The following GALNT13 variants were observed in gnomAD, a reference collection of about 807,000 sequenced individuals.
GALNT13 encodes the protein UDP-GalNAc:polypeptide N-acetylgalactosaminyltransferase 13.
In GALNT13, 28 loss-of-function variants were observed where a neutral mutation model predicts 64.2. That is an observed-to-expected ratio of 0.44 (90% CI 0.32 to 0.60). The LOEUF is 0.60. GALNT13 is among the 20% of genes least tolerant of loss of function. The pLI is 0.05. For missense variants in GALNT13, 577 were observed against 669.8 expected (o/e 0.86, Z 1.53); for synonymous variants, 214 against 224.6 (o/e 0.95, Z 0.42).
intron 10 of GALNT13, among the ~76,000 whole-genome samples, chr2:154,403,008 CA>C (rs1265795547): frequency 1.3e-5 from 2 of 152,032 alleles, no homozygotes; most frequent in Non-Finnish European, 2.9e-5. Context: ...TAGAAAACAC[CA>C]GTGACCATTT....
the GALNT13 span, among the ~76,000 whole-genome samples, chr2:153,176,144 G>A: frequency 1.3e-5 from 2 of 152,168 alleles, no homozygotes; most frequent in Non-Finnish European, 2.9e-5. Context: ...GATAAACTCT[G>A]AATCAGAAAC....
the GALNT13 span, among the ~76,000 whole-genome samples, chr2:153,669,506 G>A: frequency 6.6e-6 from 1 of 152,142 alleles, no homozygotes; most frequent in African/African-American, 2.4e-5. Context: ...GACTAAAATA[G>A]AAGTTAAGAT....
At chr2:154,355,979 GT>G (rs889540353) in intron 9 of GALNT13, among the ~76,000 whole-genome samples, 2 of 151,938 alleles carry the variant, frequency 1.3e-5, no homozygotes, top group African/African-American at 4.8e-5. Flanking sequence ...AAGAAAAGTT[GT>G]CATCAGGTTC....
intron 3 of GALNT13, among the ~76,000 whole-genome samples, chr2:153,945,997 C>T (rs2105388919): frequency 6.6e-6 from 1 of 152,178 alleles, no homozygotes; most frequent in Non-Finnish European, 1.5e-5. Flanking sequence ...TTCAGTTATT[C>T]TGAGAGGGGA....
intron 3 of GALNT13, among the ~76,000 whole-genome samples, chr2:154,004,820 T>C (rs1022029409): frequency 1.3e-5 from 2 of 152,168 alleles, no homozygotes; most frequent in African/African-American, 2.4e-5. Context: ...AGAATGAATC[T>C]TTACACAATG....
At chr2:154,112,055 T>A (rs1415682903) in intron 3 of GALNT13, among the ~76,000 whole-genome samples, 1 of 152,174 alleles carries the variant, frequency 6.6e-6, no homozygotes, top group Non-Finnish European at 1.5e-5. Flanking sequence ...GGCAAACCCA[T>A]ATCTGGAGTA....
the GALNT13 span, among the ~76,000 whole-genome samples, chr2:153,479,276 AGTG>A: frequency 2.0e-5 from 3 of 152,084 alleles, no homozygotes; most frequent in Non-Finnish European, 4.4e-5. Context: ...TTTCTAGTGG[AGTG>A]GAGGTGATCT....
chr2:153,434,221 G>C, the GALNT13 span, among the ~76,000 whole-genome samples: 4 of 152,096 alleles, frequency 2.6e-5, no homozygotes, highest in African/African-American at 9.7e-5. Flanking sequence ...TCTTAATCCA[G>C]TCTATCATTG....
chr2:154,085,883 G>A (rs1488005020), intron 3 of GALNT13, among the ~76,000 whole-genome samples: 3 of 151,816 alleles, frequency 2.0e-5, no homozygotes, highest in Non-Finnish European at 4.4e-5. Context: ...GGACAACAGA[G>A]TGGGGCTCCA....
chr2:153,831,818 T>C, the GALNT13 span, among the ~76,000 whole-genome samples: 1 of 152,158 alleles, frequency 6.6e-6, no homozygotes, highest in Non-Finnish European at 1.5e-5. Flanking sequence ...ACTGGAAGCA[T>C]AGCGTATCTC....
chr2:153,526,061 A>C, the GALNT13 span, among the ~76,000 whole-genome samples: 6 of 152,200 alleles, frequency 3.9e-5, no homozygotes, highest in African/African-American at 1.4e-4. Context: ...TATACATCTA[A>C]AGTATTGTAC....
At chr2:153,264,893 G>A in the GALNT13 span, among the ~76,000 whole-genome samples, 1 of 152,180 alleles carries the variant, frequency 6.6e-6, no homozygotes, top group African/African-American at 2.4e-5. Flanking sequence ...CATGGCACAT[G>A]TTTACCTATG....
chr2:153,431,038 T>C, the GALNT13 span, among the ~76,000 whole-genome samples: 2 of 151,546 alleles, frequency 1.3e-5, no homozygotes, highest in Non-Finnish European at 2.9e-5. Context: ...TAATCTCAGC[T>C]ACTCTAGAGG....
intron 4 of GALNT13, among the ~76,000 whole-genome samples, chr2:154,231,033 A>G (rs977135419): frequency 1.3e-5 from 2 of 151,976 alleles, no homozygotes; most frequent in African/African-American, 2.4e-5. Context: ...TCATTTTTAG[A>G]TTTCCTCCAG....
At chr2:154,274,796 G>A (rs1055164339) in intron 8 of GALNT13, among the ~76,000 whole-genome samples, 3 of 152,180 alleles carry the variant, frequency 2.0e-5, no homozygotes, top group African/African-American at 7.2e-5. Flanking sequence ...AAATGTAGAA[G>A]TGACTTTGGA....
chr2:153,291,569 C>T, the GALNT13 span, among the ~76,000 whole-genome samples: 1 of 152,098 alleles, frequency 6.6e-6, no homozygotes, highest in Non-Finnish European at 1.5e-5. Context: ...CACCACCATG[C>T]TGGGCCAGGG....
chr2:153,516,732 T>C, the GALNT13 span, among the ~76,000 whole-genome samples: 1 of 152,106 alleles, frequency 6.6e-6, no homozygotes, highest in African/African-American at 2.4e-5. Flanking sequence ...CCATTTTTGT[T>C]TGACAAATAG....
At chr2:154,224,264 T>C (rs1688470810) in intron 4 of GALNT13, among the ~76,000 whole-genome samples, 2 of 152,132 alleles carry the variant, frequency 1.3e-5, no homozygotes, top group South Asian at 4.1e-4. Flanking sequence ...AGTGTAAGCA[T>C]TTATCAAAAC....
At chr2:154,309,293 T>C (rs1419805753) in intron 9 of GALNT13, among the ~76,000 whole-genome samples, 3 of 108,978 alleles carry the variant, frequency 2.8e-5, no homozygotes, top group Non-Finnish European at 5.6e-5. Context: ...CACCTTCTAA[T>C]TGCTCTCAAA....
Sources: allele counts gnomAD v4.1 joint callset (sites outside exome capture counted in the v4.1 genomes callset), GRCh38; gene constraint gnomAD v4.1.1; transcripts MANE v1.5; gene names NCBI Gene and HGNC (gene_info 2026-07-23, HGNC 2026-07-21).